The following LAMA5 variants were observed in gnomAD, a reference collection of about 807,000 sequenced individuals.
The protein encoded by LAMA5 is laminin subunit alpha-5.
Under a neutral mutation model 433.4 loss-of-function variants are expected in LAMA5, and 260 were observed. The ratio of observed to expected loss-of-function variants is 0.60; its 90% CI spans 0.54 to 0.66. LAMA5 has a LOEUF of 0.66. LAMA5 is among the 30% of genes least tolerant of loss of function. LAMA5 has a pLI of 0.00. For synonymous variants in LAMA5, 2,620 were observed against 2,226.6 expected, an observed-to-expected ratio of 1.18 and a Z score of -4.97; for missense variants, 5,378 against 5,258.5, an observed-to-expected ratio of 1.02 and a Z score of -0.70.
intron 1 of LAMA5, among the ~76,000 whole-genome samples, chr20:62,364,260 A>G (rs1601441172): frequency 2.6e-5 from 4 of 152,318 alleles, no homozygotes; most frequent in Admixed American, 2.6e-4. Flanking sequence ...GGGTGGGGCC[A>G]GGGGCTCCTG....
At position 62,318,436 on chromosome 20, in the gene LAMA5, C is replaced by G; in HGVS notation, c.7239+18G>C. 2.6e-6 allele frequency: 4 copies of G among 1,562,270 alleles called. No individual in the cohort carries two copies. Among genetic ancestry groups the G allele is most frequent in the Non-Finnish European group, 2.6e-6 (3 of 1,158,708 alleles). ...GCGGGAAGAGGAGCAGGAGGAAGAA[C>G]AAGTCCGGGGTCCTCACCAGGGCTT... On this transcript the variant is annotated intron_variant, in intron 53 of 79. Coordinates refer to ENST00000252999, the MANE Select transcript of LAMA5 (RefSeq NM_005560.6).
chr20:62,313,757 C>T lies in LAMA5; in HGVS notation c.8550G>A (p.Met2850Ile). The change falls in exon 63 of 80, where the codon ATG becomes ATA. Residue 2850 changes from methionine (M) to isoleucine (I), a missense_variant. Transcript: ENST00000252999. ...GHMSVTVERQ[M>I]IQETKGDTVA... ...CCGTGTCACCCTTGGTTTCCTGGAT[C>T]ATCTGTCTCTCCACTGTGACGGACA... 2 of 1,612,964 alleles carry T rather than the reference C, an allele frequency of 1.2e-6. No homozygotes were observed. The highest frequency in any genetic ancestry group is 1.7e-6 in the Non-Finnish European group (2 of 1,179,996).
chr20:62,312,334 C>T lies in LAMA5; in HGVS notation c.9361-18G>A. On this transcript the variant is annotated intron_variant, in intron 68 of 79. Coordinates refer to ENST00000252999, the MANE Select transcript of LAMA5 (RefSeq NM_005560.6). ...CGCCCCACCTGCGGGGAGGCCATCC[C>T]TGAGTGCCCGCGGGTGCCCCTGCAT... 6.2e-7 allele frequency: 1 copy of T among 1,606,444 alleles called. No homozygotes were observed. Among genetic ancestry groups the T allele is most frequent in the Non-Finnish European group, 8.5e-7 (1 of 1,179,132 alleles).
At position 62,310,939 on chromosome 20, in the gene LAMA5, TG is replaced by T; in HGVS notation, c.10243del (p.Gln3415ArgfsTer26). On this transcript the variant is annotated frameshift_variant, in exon 74 of 80. Transcript: ENST00000252999. LOFTEE classifies it high-confidence loss of function. Reference protein sequence around the residue: ...MEGLGTRLRAQSRQRSRPGRW... With the variant: ...MEGLGTRLRAXSRQRSRPGRW... ...GCCAGGCCGGGAGCGCTGGCGGCTC[TG>T]GGCGCGGAGCCGAGTCCCGAGGCCT... is the stretch of plus-strand genomic sequence containing the variant. The T allele has an allele frequency of 6.2e-7, 1 of 1,611,114 alleles. No individual in the cohort carries two copies. The highest frequency in any genetic ancestry group is 1.7e-5 in the Admixed American group (1 of 59,896).
rs1158278543 is a variant in LAMA5, at chr20:62,312,226, A to T, written c.9451T>A (p.Phe3151Ile). ...APLTGNVYSG[F>I]GFHSAQDSAL... ...CTGTCCTGGGCGCTGTGGAAGCCGA[A>T]GCCGGAGTAGACGTTGCCAGTGAGC... The change falls in exon 69 of 80, where the codon TTC (phenylalanine) becomes ATC (isoleucine). Residue 3151 changes from phenylalanine (F) to isoleucine (I), a missense_variant. By Grantham distance (21) the Phe-to-Ile change is conservative. Coordinates refer to ENST00000252999, the MANE Select transcript of LAMA5 (RefSeq NM_005560.6). 3 of 1,610,566 alleles carry T rather than the reference A, an allele frequency of 1.9e-6. No individual in the cohort carries two copies. In the African/African-American group the frequency reaches 4.0e-5, roughly 22 times the overall value.
chr20:62,332,952 G>GAGGCA, intron 26 of LAMA5, 138 bp downstream of exon 26: 1,622 of 1,171,726 alleles, frequency 1.4e-3, no homozygotes, highest in Non-Finnish European at 1.8e-3. Flanking sequence ...CAGGAGGCAG[G>GAGGCA]GGCGCCCTGC....
chr20:62,356,914 C>A (rs1484569376), intron 2 of LAMA5, among the ~76,000 whole-genome samples: 1 of 152,230 alleles, frequency 6.6e-6, no homozygotes, highest in African/African-American at 2.4e-5. Context: ...ACTGGAGCTG[C>A]CCCACTCACT....
intron 2 of LAMA5, among the ~76,000 whole-genome samples, chr20:62,360,654 A>G (rs1373138354): frequency 6.4e-4 from 6 of 9,366 alleles, no homozygotes; most frequent in Non-Finnish European, 7.6e-4. Context: ...GGGTGGGTGG[A>G]GGGATAGATG....
chr20:62,317,013 C>T lies in LAMA5; in HGVS notation c.7522G>A (p.Asp2508Asn), dbSNP rs1987015930. ...TGGGTGAGGCGGTCCTGGTTGACGTCCAGGATGATGCTGCAGCGGAAGGGA... is the reference window on the plus strand; with the variant it reads ...TGGGTGAGGCGGTCCTGGTTGACGTTCAGGATGATGCTGCAGCGGAAGGGA... The part of the protein sequence containing the change: ...LALNLSSIIL[D>N]VNQDRLTQRA... Residue 2508 changes from aspartate to asparagine, a missense_variant, in exon 56 of 80, where the codon GAC (aspartate) becomes AAC (asparagine). By Grantham distance (23) the Asp-to-Asn change is conservative (BLOSUM62 1). Coordinates refer to ENST00000252999, the MANE Select transcript of LAMA5 (RefSeq NM_005560.6). 20 of 1,531,978 alleles carry T rather than the reference C, an allele frequency of 1.3e-5. No individual in the cohort carries two copies. The highest frequency in any genetic ancestry group is 1.8e-5 in the Non-Finnish European group (20 of 1,137,452). The allele number at this position is 1,531,978 out of a possible 1,614,324, so 94.9% of individuals were successfully genotyped here.
At position 62,346,953 on chromosome 20, in the gene LAMA5, C is replaced by A; in HGVS notation, c.1032G>T (p.Pro344=). 6.2e-7 allele frequency: 1 copy of A among 1,612,812 alleles called. No homozygotes were observed. The highest frequency in any genetic ancestry group is 8.5e-7 in the Non-Finnish European group (1 of 1,179,926). The stretch of plus-strand genomic sequence containing the variant: ...CACTGTTGGCAGTCGCAGGCTTCCA[C>A]GGCTGCTGATTGAAGCCGGGGCAGC... The part of the protein sequence containing the change: ...DRCCPGFNQQ[P]WKPATANSAN... The change falls in exon 7 of 80, where the codon CCG becomes CCT. Residue 344 remains proline (P), a synonymous_variant. Transcript: ENST00000252999.
chr20:62,352,905 C>T (rs1984575205), intron 3 of LAMA5: 1 of 494,854 alleles, frequency 2.0e-6, no homozygotes, highest in Non-Finnish European at 3.6e-6. Context: ...AGAGATGGCA[C>T]CAGAGATTCC....
rs11474754 is a variant in LAMA5, at chr20:62,343,774, C to CAAAA, written c.1477+2040_1477+2043dup. ...CTGGGCAACTAGAGTGAAACTCCAT[C>CAAAA]AAAAAAAAAAAAAAGAAAGCACTCG... is the stretch of plus-strand genomic sequence containing the variant. On this transcript the variant is annotated intron_variant, in intron 11 of 79. Coordinates refer to ENST00000252999, the MANE Select transcript of LAMA5 (RefSeq NM_005560.6). Among the ~76,000 whole-genome samples, 37 of 61,384 alleles carry CAAAA rather than the reference C, an allele frequency of 6.0e-4. 3 individuals carry two copies. Among genetic ancestry groups the CAAAA allele is most frequent in the South Asian group, 3.1e-3 (3 of 964 alleles). The allele number at this position is 61,384 out of a possible 152,430, so 40.3% of individuals were successfully genotyped here. A position where few individuals can be genotyped will look rare whatever the true frequency, so the allele number is the denominator to read the frequency against.
In LAMA5 at chr20:62,324,457, C is replaced by G. The variant is rs148177752; in HGVS notation, c.5627G>C (p.Gly1876Ala). 6.2e-7 allele frequency: 1 copy of G among 1,611,942 alleles called. No homozygotes were observed. Among genetic ancestry groups the G allele is most frequent in the Admixed American group, 1.7e-5 (1 of 59,930 alleles). The change falls in exon 42 of 80, where the codon GGC becomes GCC. Residue 1876 changes from glycine to alanine, a missense_variant. Physicochemically the swap from Gly to Ala is moderately conservative, Grantham distance 60. Coordinates refer to ENST00000252999, the MANE Select transcript of LAMA5 (RefSeq NM_005560.6). This position sits in a 1 kb window ranked among gnomAD's most constrained non-coding sequence, Gnocchi z 4.4. ...CCTACTCACCACACAGACGCCAGAG[C>G]CAGGGAGGCAGCGGTCTGAGTGTCC... ...CHGHSDRCLP[G>A]SGVCVDCQHN...
intron 11 of LAMA5, among the ~76,000 whole-genome samples, chr20:62,339,951 A>G (rs1982324034): frequency 6.6e-6 from 1 of 152,196 alleles, no homozygotes; most frequent in Non-Finnish European, 1.5e-5. Context: ...CTCTTGAAAG[A>G]GCGTACCTTA....
At position 62,320,780 on chromosome 20, in the gene LAMA5, C is replaced by T; in HGVS notation, c.6607G>A (p.Ala2203Thr). 6.2e-7 allele frequency: 1 copy of T among 1,612,652 alleles called. No homozygotes were observed. Among genetic ancestry groups the T allele is most frequent in the South Asian group, 1.1e-5 (1 of 91,084 alleles). Residue 2203 changes from alanine to threonine, a missense_variant, in exon 49 of 80, where the codon GCC becomes ACC. Ala to Thr is a moderately conservative substitution (Grantham distance 58). Coordinates refer to ENST00000252999, the MANE Select transcript of LAMA5 (RefSeq NM_005560.6). Reference sequence around the variant, plus strand: ...GAGGCGTTCAGCCTGTGCAGACGGGCCCAGGCCATGGAGCTGGCATTGATG... The same window carrying T: ...GAGGCGTTCAGCCTGTGCAGACGGGTCCAGGCCATGGAGCTGGCATTGATG... ...RGINASSMAW[A>T]RLHRLNASIA...
rs369014429 is a variant in LAMA5, at chr20:62,328,225, C to T, written c.4652+16G>A. On this transcript the variant is annotated intron_variant, in intron 35 of 79. Coordinates refer to ENST00000252999, the MANE Select transcript of LAMA5 (RefSeq NM_005560.6). ...AGGCCACCAGGGGCCGCGCTGACGCCGCTCTGGGCTCTCACTTGCACTGGC... is the reference window on the plus strand; with the variant it reads ...AGGCCACCAGGGGCCGCGCTGACGCTGCTCTGGGCTCTCACTTGCACTGGC... The T allele has an allele frequency of 3.6e-5, 57 of 1,586,514 alleles. No individual in the cohort carries two copies. Among genetic ancestry groups the T allele is most frequent in the East Asian group, 2.9e-4 (13 of 44,218 alleles).
At position 62,367,103 on chromosome 20, in the gene LAMA5, G is replaced by C. The variant is rs1318434515; in HGVS notation, c.143C>G (p.Pro48Arg). ...EAGGGFSLHP[P>R]YFNLAEGARI... ...GGCGCCCTCGGCCAGGTTGAAGTAG[G>C]GCGGGTGCAGGCTGAAGCCGCCGCC... Residue 48 changes from proline to arginine, a missense_variant, in exon 1 of 80, where the codon CCC becomes CGC. Pro to Arg is a moderately radical substitution (Grantham distance 103, BLOSUM62 -2). Coordinates refer to ENST00000252999, the MANE Select transcript of LAMA5 (RefSeq NM_005560.6). 1.6e-6 allele frequency: 2 copies of C among 1,277,240 alleles called. No homozygotes were observed. The highest frequency in any genetic ancestry group is 1.5e-5 in the African/African-American group (1 of 64,672). The allele number at this position is 1,277,240 out of a possible 1,614,324, so 79.1% of individuals were successfully genotyped here.
rs1161255919 is a variant in LAMA5, at chr20:62,329,821, G to A, written c.4075C>T (p.Leu1359Phe). ...QALLDVTHSELTVTVRVPKGR... is the reference protein window; with the variant it reads ...QALLDVTHSEFTVTVRVPKGR... Reference sequence around the variant, plus strand: ...TTGGGCACACGCACGGTCACAGTGAGCTCGCTGTGGGTCACGTCCAGCAGG... The same window carrying A: ...TTGGGCACACGCACGGTCACAGTGAACTCGCTGTGGGTCACGTCCAGCAGG... Residue 1359 changes from leucine to phenylalanine, a missense_variant, in exon 32 of 80, where the codon CTC (leucine) becomes TTC (phenylalanine). By Grantham distance (22) the Leu-to-Phe change is conservative (BLOSUM62 0). Transcript: ENST00000252999. 2 of 1,612,452 alleles carry A rather than the reference G, an allele frequency of 1.2e-6. No homozygotes were observed. Among genetic ancestry groups the A allele is most frequent in the South Asian group, 1.1e-5 (1 of 91,014 alleles).
chr20:62,328,740 A>G (rs1979779309), intron 34 of LAMA5, 104 bp downstream of exon 34: 25 of 1,171,032 alleles, frequency 2.1e-5, no homozygotes, highest in Non-Finnish European at 2.8e-5. Flanking sequence ...CTGCCCTGCC[A>G]GGCTCTAGAA....
Sources: allele counts gnomAD v4.1 joint callset (sites outside exome capture counted in the v4.1 genomes callset), GRCh38; gene constraint gnomAD v4.1.1; non-coding constraint Gnocchi (gnomAD v3.1); transcripts MANE v1.5; gene names NCBI Gene and HGNC (gene_info 2026-07-23, HGNC 2026-07-21).